FHL1: variants seen among roughly 807,000 people sequenced by gnomAD.
FHL1 encodes the protein four and a half LIM domains 1.
Under a neutral mutation model 20.3 loss-of-function variants are expected in FHL1, and 1 was observed. That is an observed-to-expected ratio of 0.05 (90% CI 0.02 to 0.23). The LOEUF (loss-of-function observed/expected upper bound fraction) is 0.23. FHL1 is among the 10% of genes least tolerant of loss of function. The probability of loss-of-function intolerance (pLI) is 1.00; values close to 1 mark genes in which losing one functional copy is unlikely to be tolerated. For synonymous variants in FHL1, 82 were observed against 88.9 expected (o/e 0.92, Z 0.44); for missense variants, 177 against 234.0 (o/e 0.76, Z 1.59).
chrX:136,153,288 G>GA (rs1352056405), intron 1 of FHL1, among the ~76,000 whole-genome samples: 1 of 103,044 alleles, frequency 9.7e-6, no homozygotes, highest in African/African-American at 3.5e-5. Flanking sequence ...GGGAGGTGGG[G>GA]GGGGGCAGGA....
At chrX:136,204,875 A>T (rs993710926) in intron 1 of FHL1, 33 of 111,851 alleles carry the variant, frequency 3.0e-4, no homozygotes, top group Admixed American at 2.2e-3. Flanking sequence ...GTGTTTGTAT[A>T]AAAAAAACCT....
chrX:136,172,963 C>A (rs998358340), intron 2 of FHL1, among the ~76,000 whole-genome samples: 3 of 112,556 alleles, frequency 2.7e-5, no homozygotes, highest in Non-Finnish European at 5.6e-5. Flanking sequence ...GAACTCCTTA[C>A]CTCAAGTGAT....
chrX:136,167,812 A>C (rs1045212953), upstream of FHL1: 8 of 111,389 alleles, frequency 7.2e-5, no homozygotes, highest in Non-Finnish European at 1.5e-4. Context: ...GATTCCGTCA[A>C]GTAGAATCGG....
rs751661435 is a variant in FHL1, at chrX:136,189,000, G to A, written c.-26-17407G>A. ...TGCATTCTGGCTGGAGCTGCATATAGGTAGCCTCTTTTCATTGTTGGCCTT... is the reference window on the plus strand; with the variant it reads ...TGCATTCTGGCTGGAGCTGCATATAAGTAGCCTCTTTTCATTGTTGGCCTT... On this transcript the variant is annotated intron_variant, in intron 2 of 6. Transcript: ENST00000394153. Among the ~76,000 whole-genome samples the A allele has an allele frequency of 3.6e-5, 4 of 112,079 alleles. 1 individual carries two copies. The South Asian group carries it at 1.5e-3, about 42-fold the overall frequency.
chrX:136,148,455 G>A (rs2072170739), intron 1 of FHL1: 1 of 108,529 alleles, frequency 9.2e-6, no homozygotes, highest in Non-Finnish European at 1.9e-5. Flanking sequence ...AGAGAAGCAC[G>A]AGGAAGGTTC....
At chrX:136,156,054 T>C (rs1270631752) in intron 1 of FHL1, among the ~76,000 whole-genome samples, 5 of 110,533 alleles carry the variant, frequency 4.5e-5, no homozygotes, top group Non-Finnish European at 9.4e-5. Flanking sequence ...GATTCCTCTG[T>C]ATTTAAACTA....
At chrX:136,188,031 C>T (rs1329636248) in intron 2 of FHL1, among the ~76,000 whole-genome samples, 8 of 111,377 alleles carry the variant, frequency 7.2e-5, no homozygotes, top group African/African-American at 2.6e-4. Flanking sequence ...AACATGGAAA[C>T]TTAAAGAATC....
At chrX:136,209,845 TTTC>T (rs1223443990) in intron 5 of FHL1, 23 bp from the exon 6 acceptor site, 2 of 1,201,183 alleles carry the variant, frequency 1.7e-6, no homozygotes, top group Admixed American at 2.2e-5. Context: ...CTTGTTTTCT[TTTC>T]TTTTCTTTTT....
intron 1 of FHL1, among the ~76,000 whole-genome samples, chrX:136,149,787 T>A (rs2072216367): frequency 8.9e-6 from 1 of 111,861 alleles, no homozygotes. Flanking sequence ...AATAATTATT[T>A]TTTTTCCTGG....
intron 2 of FHL1, among the ~76,000 whole-genome samples, chrX:136,174,477 C>T (rs2072950666): frequency 9.0e-6 from 1 of 111,685 alleles, no homozygotes; most frequent in African/African-American, 3.3e-5. Context: ...GGTTATACCA[C>T]TGCTGATCTG....
intron 1 of FHL1, among the ~76,000 whole-genome samples, chrX:136,200,936 G>A (rs965791427): frequency 3.6e-5 from 4 of 111,462 alleles, no homozygotes; most frequent in Non-Finnish European, 3.8e-5. Context: ...GGCTGAGGCG[G>A]GTGGATTACT....
At chrX:136,185,283 G>T (rs925124200) in intron 2 of FHL1, among the ~76,000 whole-genome samples, 7 of 111,545 alleles carry the variant, frequency 6.3e-5, no homozygotes, top group African/African-American at 1.6e-4. Context: ...TTTACTTATG[G>T]TATTAAATGA....
chrX:136,186,875 T>C (rs202115973), intron 2 of FHL1, among the ~76,000 whole-genome samples: 2 of 8,135 alleles, frequency 2.5e-4, no homozygotes, highest in African/African-American at 3.2e-4. Context: ...AATATATATA[T>C]ATATATAGAT....
intron 1 of FHL1, among the ~76,000 whole-genome samples, chrX:136,198,015 C>G (rs1008457853): frequency 2.8e-5 from 3 of 106,926 alleles, no homozygotes; most frequent in Admixed American, 2.0e-4. Flanking sequence ...CATTGCCTGT[C>G]AATATTTAAA....
At chrX:136,158,900 T>C (rs1357751084) in intron 1 of FHL1, among the ~76,000 whole-genome samples, 1 of 111,322 alleles carries the variant, frequency 9.0e-6, no homozygotes, top group Non-Finnish European at 1.9e-5. Flanking sequence ...CATAAAGATA[T>C]TAAAGAACCC....
chrX:136,164,432 C>G (rs924825454), intron 1 of FHL1, among the ~76,000 whole-genome samples: 1 of 111,005 alleles, frequency 9.0e-6, no homozygotes, highest in Admixed American at 9.6e-5. Flanking sequence ...GTCTCGACCT[C>G]CCAAAGTGCT....
At chrX:136,189,750 A>T (rs901581655) in intron 2 of FHL1, among the ~76,000 whole-genome samples, 14 of 111,778 alleles carry the variant, frequency 1.3e-4, no homozygotes, top group African/African-American at 4.6e-4. Flanking sequence ...ACAACCAGTA[A>T]GTGATAGAGG....
upstream of FHL1, chrX:136,196,984 T>C (rs2073571745): frequency 5.8e-6 from 6 of 1,027,840 alleles, no homozygotes; most frequent in African/African-American, 3.7e-5. Flanking sequence ...GGGTGGGACA[T>C]CTGCTCTCGG....
intron 1 of FHL1, among the ~76,000 whole-genome samples, chrX:136,163,465 A>G (rs759633561): frequency 9.8e-5 from 11 of 112,364 alleles, no homozygotes; most frequent in African/African-American, 3.6e-4. Context: ...GATGCTAGCT[A>G]TGTGAAGAAG....
Sources: allele counts gnomAD v4.1 joint callset (sites outside exome capture counted in the v4.1 genomes callset), GRCh38; gene constraint gnomAD v4.1.1; transcripts MANE v1.5; gene names NCBI Gene and HGNC (gene_info 2026-07-23, HGNC 2026-07-21).